The following ZBTB43 variants were observed in gnomAD, a reference collection of about 807,000 sequenced individuals.
ZBTB43 encodes the protein zinc finger and BTB domain containing 43.
Under a neutral mutation model 31.1 loss-of-function variants are expected in ZBTB43, and 6 were observed. The observed-to-expected ratio is 0.19, with a 90% CI of 0.11 to 0.38. The LOEUF is 0.38. ZBTB43 is among the 10% of genes least tolerant of loss of function. ZBTB43 has a pLI of 1.00. For missense variants in ZBTB43, 379 were observed against 602.1 expected, an observed-to-expected ratio of 0.63 and a Z score of 3.88; for synonymous variants, 212 against 221.7, an observed-to-expected ratio of 0.96 and a Z score of 0.39.
chr9:126,824,888 C>G (rs975425132), intron 2 of ZBTB43, among the ~76,000 whole-genome samples: 1 of 152,070 alleles, frequency 6.6e-6, no homozygotes, highest in African/African-American at 2.4e-5. Context: ...TCTGGAACTC[C>G]CATGATATGT....
At chr9:126,830,429 G>C (rs747253261) in intron 2 of ZBTB43, among the ~76,000 whole-genome samples, 1 of 152,186 alleles carries the variant, frequency 6.6e-6, no homozygotes, top group Non-Finnish European at 1.5e-5. Flanking sequence ...CAGATCGCTT[G>C]AGTTCAGGAA....
rs188062785 is a variant in ZBTB43, at chr9:126,810,493, G to A, written c.-24+1578G>A. ...CAGGCATGAGCCACTGTGCCCAGCCGTCTTTTTTTTTTTTTTTTTTTTTTT... is the reference window on the plus strand; with the variant it reads ...CAGGCATGAGCCACTGTGCCCAGCCATCTTTTTTTTTTTTTTTTTTTTTTT... On this transcript the variant is annotated intron_variant, in intron 2 of 2. Transcript: ENST00000373464. 5.0e-3 allele frequency among the ~76,000 whole-genome samples: 532 copies of A among 106,720 alleles called. 7 individuals are homozygous for A. The highest frequency in any genetic ancestry group is 0.015 in the African/African-American group (485 of 32,326). 70.0% of individuals were successfully genotyped at this position (106,720 alleles called of 152,430 possible). A position where few individuals can be genotyped will look rare whatever the true frequency, so the allele number is the denominator to read the frequency against.
At chr9:126,831,950 C>G (rs2032772649) in intron 2 of ZBTB43, 1 of 142,502 alleles carries the variant, frequency 7.0e-6, no homozygotes. Flanking sequence ...AAGAGCAAAA[C>G]TCTATCTCAA....
chr9:126,805,558 A>C (rs1046639092), intron 1 of ZBTB43, among the ~76,000 whole-genome samples: 3 of 152,200 alleles, frequency 2.0e-5, no homozygotes, highest in African/African-American at 4.8e-5. Flanking sequence ...GACTTAGCTG[A>C]TCTTCTGTTT....
intron 2 of ZBTB43, among the ~76,000 whole-genome samples, chr9:126,812,879 G>T: frequency 6.6e-6 from 1 of 151,930 alleles, no homozygotes; most frequent in East Asian, 1.9e-4. Flanking sequence ...TCACTTTCTT[G>T]ATGGTATCAT....
At position 126,828,644 on chromosome 9, in the gene ZBTB43, TAA is replaced by T. The variant is rs1491467766; in HGVS notation, c.-23-3842_-23-3841del. ...CCCCATCTCTAAATAATAATAATAATAATAATAATAATTATTATTATTATTAT... is the reference window on the plus strand; with the variant it reads ...CCCCATCTCTAAATAATAATAATAATTAATAATAATTATTATTATTATTAT... On this transcript the variant is annotated intron_variant, in intron 2 of 2. Transcript: ENST00000373464. 4.2e-4 allele frequency among the ~76,000 whole-genome samples: 59 copies of T among 140,630 alleles called. 2 individuals carry two copies. The East Asian group carries it at 7.6e-3, about 18-fold the overall frequency. The allele number at this position is 140,630 out of a possible 152,430, so 92.3% of individuals were successfully genotyped here. A position where few individuals can be genotyped will look rare whatever the true frequency, so the allele number is the denominator to read the frequency against.
At position 126,837,186 on chromosome 9, in the gene ZBTB43, TG is replaced by T. The variant is rs2032899364; in HGVS notation, c.*3274del. The T allele has an allele frequency of 6.0e-6, 1 of 166,986 alleles. No individual in the cohort carries two copies. The highest frequency in any genetic ancestry group is 1.5e-5 in the Non-Finnish European group (1 of 68,114). 10.3% of individuals were successfully genotyped at this position (166,986 alleles called of 1,614,324 possible). A position where few individuals can be genotyped will look rare whatever the true frequency, so the allele number is the denominator to read the frequency against. ...ACAGTAATCCACGTGGTGAAGTGCA[TG>T]TCACCGTTAACTAAGGAAGGACTGC... On this transcript the variant is annotated 3_prime_UTR_variant, in exon 3 of 3. Transcript: ENST00000373464.
chr9:126,806,338 G>A (rs748100582), intron 1 of ZBTB43, among the ~76,000 whole-genome samples: 1 of 152,202 alleles, frequency 6.6e-6, no homozygotes, highest in South Asian at 2.1e-4. Context: ...CTAATAATTG[G>A]GAATTTATTA....
intron 2 of ZBTB43, chr9:126,831,817 G>C (rs1301758533): frequency 6.6e-6 from 1 of 151,968 alleles, no homozygotes; most frequent in Admixed American, 6.6e-5. Context: ...AATTAACCAG[G>C]TGTAGTGGCG....
intron 2 of ZBTB43, 22 bp downstream of exon 2, chr9:126,808,937 G>A (rs1020646705): frequency 2.0e-5 from 3 of 152,252 alleles, no homozygotes; most frequent in South Asian, 2.1e-4. Context: ...ACTTGATCAC[G>A]ATACCATTTT....
intron 2 of ZBTB43, among the ~76,000 whole-genome samples, chr9:126,827,522 C>T (rs2032668007): frequency 6.6e-6 from 1 of 152,168 alleles, no homozygotes; most frequent in South Asian, 2.1e-4. Context: ...ATCCAGCACT[C>T]TCTTGGTTGC....
At position 126,833,922 on chromosome 9, in the gene ZBTB43, T is replaced by G; in HGVS notation, c.*9T>G. On this transcript the variant is annotated 3_prime_UTR_variant, in exon 3 of 3. Coordinates refer to ENST00000373464, the MANE Select transcript of ZBTB43 (RefSeq NM_014007.4). This position sits in a 1 kb window ranked among gnomAD's most constrained non-coding sequence, Gnocchi z 7.9. ...CAACTGAGGCTAACTAAAAATAGGA[T>G]CTGGCCCTTGAGTGGCATGCACAAA... 1 of 1,565,340 alleles carries G rather than the reference T, an allele frequency of 6.4e-7. No homozygotes were observed. The highest frequency in any genetic ancestry group is 8.7e-7 in the Non-Finnish European group (1 of 1,147,334).
rs958719706 is a variant in ZBTB43, at chr9:126,820,582, A to G, written c.-24+11667A>G. Among the ~76,000 whole-genome samples the G allele has an allele frequency of 2.6e-5, 4 of 152,334 alleles. No individual in the cohort carries two copies. The East Asian group carries it at 5.8e-4, about 22-fold the overall frequency. On this transcript the variant is annotated intron_variant, in intron 2 of 2. Coordinates refer to ENST00000373464, the MANE Select transcript of ZBTB43 (RefSeq NM_014007.4). ...AGCTCTGATGGAGATGTACAAGGAC[A>G]TTAGTATTGTTTTCATGCCTGTTAA...
intron 2 of ZBTB43, among the ~76,000 whole-genome samples, chr9:126,830,981 G>C (rs1364608915): frequency 6.6e-6 from 1 of 152,180 alleles, no homozygotes; most frequent in East Asian, 1.9e-4. Flanking sequence ...ACAGTTTGGA[G>C]ATCACCAGAT....
rs1182138834 is a variant in ZBTB43 at position 126,835,340 on chromosome 9, C to T, written c.*1427C>T. 6.0e-6 allele frequency: 1 copy of T among 167,078 alleles called. No homozygotes were observed. Among genetic ancestry groups the T allele is most frequent in the African/African-American group, 2.4e-5 (1 of 41,434 alleles). 10.3% of individuals were successfully genotyped at this position (167,078 alleles called of 1,614,324 possible). Reference sequence around the variant, plus strand: ...TTGCACATGCTTTTAAGCTGTGTAACATACCTGAGGTTATCACCAGGGTAG... The same window carrying T: ...TTGCACATGCTTTTAAGCTGTGTAATATACCTGAGGTTATCACCAGGGTAG... On this transcript the variant is annotated 3_prime_UTR_variant, in exon 3 of 3. Transcript: ENST00000373464.
intron 2 of ZBTB43, among the ~76,000 whole-genome samples, chr9:126,827,465 G>A (rs894774459): frequency 6.6e-6 from 1 of 152,184 alleles, no homozygotes; most frequent in Non-Finnish European, 1.5e-5. Flanking sequence ...CTGCGGAATG[G>A]GGATTTATGC....
intron 1 of ZBTB43, among the ~76,000 whole-genome samples, chr9:126,807,669 C>T (rs2032157051): frequency 6.6e-6 from 1 of 151,656 alleles, no homozygotes; most frequent in African/African-American, 2.4e-5. Context: ...GGAGTCTCGC[C>T]CTGTCGCCCA....
At chr9:126,827,388 C>T (rs957932623) in intron 2 of ZBTB43, among the ~76,000 whole-genome samples, 8 of 152,340 alleles carry the variant, frequency 5.3e-5, no homozygotes, top group African/African-American at 1.9e-4. Flanking sequence ...CCTCCACCCC[C>T]TCCTCTTGTA....
chr9:126,814,406 A>G (rs1407711770), intron 2 of ZBTB43, among the ~76,000 whole-genome samples: 1 of 148,598 alleles, frequency 6.7e-6, no homozygotes, highest in African/African-American at 2.5e-5. Flanking sequence ...TGATATTAGT[A>G]TTGTGTTGCT....
Sources: gnomAD v4.1 joint callset for allele counts (sites outside exome capture counted in the v4.1 genomes callset) on GRCh38, gnomAD v4.1.1 for gene constraint, Gnocchi (gnomAD v3.1) non-coding constraint, MANE v1.5 for transcripts, NCBI Gene and HGNC (gene_info 2026-07-23, HGNC 2026-07-21) for gene names.